Variants in MARCHF5 observed in about 807,000 individuals in gnomAD.
The protein encoded by MARCHF5 is membrane associated ring-CH-type finger 5.
A neutral mutation model predicts 36.5 loss-of-function variants in MARCHF5; 5 were observed. The observed-to-expected ratio is 0.14, with a 90% CI of 0.07 to 0.29. The LOEUF is 0.29. Among genes scored for constraint, MARCHF5 ranks in the 10% least tolerant of loss-of-function variants. MARCHF5 has a pLI of 1.00. For synonymous variants in MARCHF5, 103 were observed against 109.9 expected (o/e 0.94, Z 0.39); for missense variants, 179 against 336.3 (o/e 0.53, Z 3.66).
chr10:92,313,976 T>C (rs1843177076), intron 2 of MARCHF5, among the ~76,000 whole-genome samples: 1 of 152,024 alleles, frequency 6.6e-6, no homozygotes, highest in African/African-American at 2.4e-5. Flanking sequence ...GTGGATTGCT[T>C]GTGGTTACGA....
At position 92,353,844 on chromosome 10, in the gene MARCHF5, A is replaced by C. The variant is rs1328981785; in HGVS notation, c.*2637A>C. 6.5e-6 allele frequency: 1 copy of C among 152,676 alleles called. No homozygotes were observed. The highest frequency in any genetic ancestry group is 2.4e-5 in the African/African-American group (1 of 41,458). The allele number at this position is 152,676 out of a possible 1,614,324, so 9.5% of individuals were successfully genotyped here. A position where few individuals can be genotyped will look rare whatever the true frequency, so the allele number is the denominator to read the frequency against. On this transcript the variant is annotated 3_prime_UTR_variant, in exon 6 of 6. Transcript: ENST00000358935. ...CTGTGAAGAATATAAAATTAAACTT[A>C]GTGACTTAATTAGTCACTGCCTTGC...
chr10:92,291,285 C>T lies in MARCHF5; in HGVS notation c.-210C>T, dbSNP rs899404066. On this transcript the variant is annotated 5_prime_UTR_variant, in exon 1 of 6. Coordinates refer to ENST00000358935, the MANE Select transcript of MARCHF5 (RefSeq NM_017824.5). ...ATCGCCGCCTCCCCGCCTCAGGCTC[C>T]TCCTCCTCGCTCTCCGCCGCCTCCG... is the stretch of plus-strand genomic sequence containing the variant. The T allele has an allele frequency of 1.3e-5, 7 of 558,706 alleles. No homozygotes were observed. Among genetic ancestry groups the T allele is most frequent in the African/African-American group, 1.0e-4 (5 of 49,814 alleles). The allele number at this position is 558,706 out of a possible 1,614,324, so 34.6% of individuals were successfully genotyped here. A position where few individuals can be genotyped will look rare whatever the true frequency, so the allele number is the denominator to read the frequency against.
intron 2 of MARCHF5, among the ~76,000 whole-genome samples, chr10:92,336,416 G>A (rs950391981): frequency 6.6e-6 from 1 of 152,176 alleles, no homozygotes; most frequent in African/African-American, 2.4e-5. Flanking sequence ...CTTTGCATGT[G>A]CCCATGTTCC....
chr10:92,347,532 T>TAG (rs1564955003), intron 3 of MARCHF5, among the ~76,000 whole-genome samples: 1,319 of 119,738 alleles, frequency 0.011, 36 homozygotes, highest in Admixed American at 0.019. Flanking sequence ...ATGATAGATA[T>TAG]ATAGATAGAT....
At chr10:92,350,987 T>G (rs933563055) in intron 5 of MARCHF5, 104 bp from the exon 6 acceptor site, 2 of 659,208 alleles carry the variant, frequency 3.0e-6, no homozygotes, top group East Asian at 5.5e-5. Flanking sequence ...CTGAATTAGT[T>G]TAGCATCAAA....
intron 2 of MARCHF5, among the ~76,000 whole-genome samples, chr10:92,330,195 A>T (rs1405022662): frequency 1.3e-5 from 2 of 152,118 alleles, no homozygotes; most frequent in Non-Finnish European, 2.9e-5. Flanking sequence ...GAGGCAAATG[A>T]CTAGGATACC....
chr10:92,293,150 GTGGCAGTGGCAT>G (rs1842910195), intron 1 of MARCHF5, among the ~76,000 whole-genome samples: 1 of 152,046 alleles, frequency 6.6e-6, no homozygotes, highest in South Asian at 2.1e-4. Flanking sequence ...TGCAGTGGCA[GTGGCAGTGGCAT>G]TGGCATGATC....
chr10:92,350,074 A>T, intron 5 of MARCHF5: 1 of 454,430 alleles, frequency 2.2e-6, no homozygotes, highest in Non-Finnish European at 3.9e-6. Context: ...CATATGCATG[A>T]ATCATCACAC....
chr10:92,303,359 T>C (rs1190189169), intron 1 of MARCHF5, among the ~76,000 whole-genome samples: 1 of 152,240 alleles, frequency 6.6e-6, no homozygotes. Context: ...TTGCTTACTC[T>C]GTTTTTCTTC....
chr10:92,325,293 T>C (rs763282296), intron 2 of MARCHF5, among the ~76,000 whole-genome samples: 2 of 152,188 alleles, frequency 1.3e-5, no homozygotes, highest in African/African-American at 4.8e-5. Context: ...CAACGAGCTG[T>C]TATTGCACTG....
At chr10:92,340,025 G>A (rs1752637139) in intron 2 of MARCHF5, among the ~76,000 whole-genome samples, 1 of 152,120 alleles carries the variant, frequency 6.6e-6, no homozygotes. Flanking sequence ...GTAAATACAA[G>A]AAAATGGCCC....
chr10:92,292,731 T>TTA (rs530552297), intron 1 of MARCHF5, among the ~76,000 whole-genome samples: 29 of 152,236 alleles, frequency 1.9e-4, no homozygotes, highest in African/African-American at 6.0e-4. Context: ...ATTGACTGCT[T>TTA]TATATATATA....
At chr10:92,294,088 C>T (rs565968588) in intron 1 of MARCHF5, among the ~76,000 whole-genome samples, 3 of 152,252 alleles carry the variant, frequency 2.0e-5, no homozygotes, top group South Asian at 4.1e-4. Flanking sequence ...AGAGCCTGGG[C>T]ATCTATATTT....
At chr10:92,311,575 GAGAA>G (rs1464206857) in intron 2 of MARCHF5, among the ~76,000 whole-genome samples, 1 of 151,886 alleles carries the variant, frequency 6.6e-6, no homozygotes. Flanking sequence ...TGATAGAAAG[GAGAA>G]AGAACTTGCA....
chr10:92,341,605 G>T, intron 3 of MARCHF5, among the ~76,000 whole-genome samples: 1 of 151,982 alleles, frequency 6.6e-6, no homozygotes. Context: ...TTTTTTGTGT[G>T]TTCAGGTCTT....
At chr10:92,337,483 A>C (rs1043935423) in intron 2 of MARCHF5, among the ~76,000 whole-genome samples, 10 of 152,166 alleles carry the variant, frequency 6.6e-5, no homozygotes, top group African/African-American at 2.4e-4. Context: ...GTGCCATTGC[A>C]TTCCACCCTG....
intron 1 of MARCHF5, among the ~76,000 whole-genome samples, chr10:92,293,086 A>G (rs1207433676): frequency 1.3e-5 from 2 of 151,918 alleles, no homozygotes; most frequent in Non-Finnish European, 2.9e-5. Context: ...ATTTTTACAT[A>G]GTGACTTTTT....
chr10:92,295,551 G>A (rs1842940621), intron 1 of MARCHF5, among the ~76,000 whole-genome samples: 3 of 150,174 alleles, frequency 2.0e-5, no homozygotes, highest in Admixed American at 2.0e-4. Flanking sequence ...GGGACTACAG[G>A]CACCCGCCAC....
At chr10:92,307,106 G>A (rs890251338) in intron 1 of MARCHF5, among the ~76,000 whole-genome samples, 1 of 151,996 alleles carries the variant, frequency 6.6e-6, no homozygotes, top group African/African-American at 2.4e-5. Context: ...CCTGAGCCCA[G>A]GATTTCAGTT....
Sources: allele counts gnomAD v4.1 joint callset (sites outside exome capture counted in the v4.1 genomes callset), GRCh38; gene constraint gnomAD v4.1.1; transcripts MANE v1.5; gene names NCBI Gene and HGNC (gene_info 2026-07-23, HGNC 2026-07-21).